Variants in UBE2O observed in about 807,000 individuals in gnomAD.
The protein encoded by UBE2O is (E3-independent) E2 ubiquitin-conjugating enzyme.
A neutral mutation model predicts 125.8 loss-of-function variants in UBE2O; 15 were observed. The observed-to-expected ratio is 0.12, with a 90% CI of 0.08 to 0.18. The LOEUF is 0.18. Ranked by LOEUF, UBE2O falls within the 10% of genes least tolerant of loss-of-function variation. The pLI, the probability that UBE2O is intolerant of heterozygous loss-of-function variation, is 1.00. For missense variants in UBE2O, 1,280 were observed against 1,723.6 expected, an observed-to-expected ratio of 0.74 and a Z score of 4.56; for synonymous variants, 708 against 703.2, an observed-to-expected ratio of 1.01 and a Z score of -0.11.
intron 1 of UBE2O, among the ~76,000 whole-genome samples, chr17:76,415,258 G>C (rs2072582137): frequency 6.6e-6 from 1 of 152,144 alleles, no homozygotes; most frequent in African/African-American, 2.4e-5. Flanking sequence ...GATCCTGACG[G>C]AGCCTGCCAG....
At chr17:76,451,779 G>T (rs9913840) in intron 1 of UBE2O, among the ~76,000 whole-genome samples, 84,307 of 137,188 alleles carry the variant, frequency 0.61, 25,079 homozygotes, top group Non-Finnish European at 0.7. Context: ...GATACAGGGG[G>T]GTGTGTGTGT....
intron 1 of UBE2O, among the ~76,000 whole-genome samples, chr17:76,406,920 G>T (rs146323950): frequency 3.4e-4 from 52 of 152,058 alleles, no homozygotes; most frequent in African/African-American, 1.2e-3. Flanking sequence ...GGCTGGTCTC[G>T]AACTCCTGAC....
Position 76,402,207 on chromosome 17 carries a change from C to T in UBE2O, c.687-80G>A, listed in dbSNP as rs148266660. 386 of 1,268,382 alleles carry T rather than the reference C, an allele frequency of 3.0e-4. No individual in the cohort carries two copies. The highest frequency in any genetic ancestry group is 2.1e-3 in the Middle Eastern group (11 of 5,348). The allele number at this position is 1,268,382 out of a possible 1,614,324, so 78.6% of individuals were successfully genotyped here. On this transcript the variant is annotated intron_variant, in intron 4 of 17. Coordinates refer to ENST00000319380, the MANE Select transcript of UBE2O (RefSeq NM_022066.4). This position sits in a 1 kb window ranked among gnomAD's most constrained non-coding sequence, Gnocchi z 5.4. Reference sequence around the variant, plus strand: ...AAGTTGCGATTCTGAGATGCCAATGCGCCCACATGCCCTAAATAGCACAAT... The same window carrying T: ...AAGTTGCGATTCTGAGATGCCAATGTGCCCACATGCCCTAAATAGCACAAT...
intron 1 of UBE2O, among the ~76,000 whole-genome samples, chr17:76,436,172 G>A (rs1347532798): frequency 2.0e-5 from 3 of 152,024 alleles, no homozygotes; most frequent in South Asian, 4.1e-4. Context: ...GCTTGAACCC[G>A]GGAGGCGGAG....
In UBE2O at chr17:76,402,732, C is replaced by T. The variant is rs371894501; in HGVS notation, c.589-33G>A. ...CCAAGGAGGCAGGGGCAGTGAGACA[C>T]AGCAGACAACGTTCATGTCCAGGGC... On this transcript the variant is annotated intron_variant, in intron 3 of 17. Transcript: ENST00000319380. This position sits in a 1 kb window ranked among gnomAD's most constrained non-coding sequence, Gnocchi z 5.4. 20 of 1,555,040 alleles carry T rather than the reference C, an allele frequency of 1.3e-5. No individual in the cohort carries two copies. Among genetic ancestry groups the T allele is most frequent in the Non-Finnish European group, 1.8e-5 (20 of 1,126,288 alleles).
rs1162196735 is a variant in UBE2O, at chr17:76,405,155, G to A, written c.588+51C>T. 5.6e-6 allele frequency: 8 copies of A among 1,417,778 alleles called. No homozygotes were observed. The highest frequency in any genetic ancestry group is 1.8e-4 in the Middle Eastern group (1 of 5,506). 87.8% of individuals were successfully genotyped at this position (1,417,778 alleles called of 1,614,324 possible). On this transcript the variant is annotated intron_variant, in intron 3 of 17. Coordinates refer to ENST00000319380, the MANE Select transcript of UBE2O (RefSeq NM_022066.4). The surrounding 1 kb of genome is among the most constrained non-coding windows in gnomAD (Gnocchi z 6.1). ...GCTGTAGCCCAGAGGTCGTGCCGCCGAGAGAACCAGAGGGCCCAGAAAGGA... is the reference window on the plus strand; with the variant it reads ...GCTGTAGCCCAGAGGTCGTGCCGCCAAGAGAACCAGAGGGCCCAGAAAGGA...
chr17:76,415,207 A>G (rs1223131020), intron 1 of UBE2O, among the ~76,000 whole-genome samples: 1 of 152,190 alleles, frequency 6.6e-6, no homozygotes, highest in Non-Finnish European at 1.5e-5. Context: ...ATGCCATGTT[A>G]GTTCACGGAA....
rs180710439 is a variant in UBE2O at position 76,394,906 on chromosome 17, C to T, written c.2946+819G>A. 3.8e-3 allele frequency among the ~76,000 whole-genome samples: 575 copies of T among 150,582 alleles called. 3 individuals carry two copies. The highest frequency in any genetic ancestry group is 0.013 in the African/African-American group (516 of 40,734). ...TTTTTTTTTTTTTGAGATGAAGTCT[C>T]GCTCTGTTGCCCAGGCTGGAGTGCA... On this transcript the variant is annotated intron_variant, in intron 15 of 17. Transcript: ENST00000319380.
chr17:76,418,978 T>C (rs1386585498), intron 1 of UBE2O, among the ~76,000 whole-genome samples: 1 of 152,144 alleles, frequency 6.6e-6, no homozygotes, highest in Non-Finnish European at 1.5e-5. Context: ...TAGGTGAATC[T>C]GATAGTTAAA....
chr17:76,436,555 C>T (rs1417109521), intron 1 of UBE2O, among the ~76,000 whole-genome samples: 5 of 152,116 alleles, frequency 3.3e-5, no homozygotes. Context: ...CCCTGAATCC[C>T]CGAGAGCCTA....
intron 1 of UBE2O, among the ~76,000 whole-genome samples, chr17:76,445,183 G>A (rs1274801866): frequency 6.6e-6 from 1 of 152,054 alleles, no homozygotes; most frequent in Non-Finnish European, 1.5e-5. Context: ...GTGCTAGCTG[G>A]GAATATTCAT....
rs761706546 is a variant in UBE2O at position 76,402,102 on chromosome 17, C to T, written c.712G>A (p.Ala238Thr). The T allele has an allele frequency of 3.2e-5, 52 of 1,613,498 alleles. No homozygotes were observed. Among genetic ancestry groups the T allele is most frequent in the Non-Finnish European group, 3.8e-5 (45 of 1,179,976 alleles). Residue 238 changes from alanine to threonine, a missense_variant, in exon 5 of 18, where the codon GCC becomes ACC. Transcript: ENST00000319380. The surrounding 1 kb of genome is among the most constrained non-coding windows in gnomAD (Gnocchi z 5.4). ...ARCSMNTEDGAKLYDVCPHVS... is the reference protein window; with the variant it reads ...ARCSMNTEDGTKLYDVCPHVS... ...TGCGGGCAGACGTCGTAGAGCTTGG[C>T]GCCATCTTCCGTGTTCATGGAGCAC...
At chr17:76,434,175 C>T (rs144076918) in intron 1 of UBE2O, among the ~76,000 whole-genome samples, 271 of 152,234 alleles carry the variant, frequency 1.8e-3, no homozygotes, top group African/African-American at 6.1e-3. Context: ...GGGGCTCCAG[C>T]GAAATGACCC....
chr17:76,425,225 CAAAAAAAAAAAAA>C (rs58377572), intron 1 of UBE2O, among the ~76,000 whole-genome samples: 9,029 of 95,342 alleles, frequency 0.095, 445 homozygotes, highest in South Asian at 0.19. Context: ...GTCCTTTCGA[CAAAAAAAAAAAAA>C]AAAAAAAAAA....
Position 76,400,401 on chromosome 17 carries a change from A to G in UBE2O, c.1004+40T>C, listed in dbSNP as rs375434012. 8.1e-6 allele frequency: 13 copies of G among 1,597,700 alleles called. No homozygotes were observed. The highest frequency in any genetic ancestry group is 1.1e-5 in the Non-Finnish European group (13 of 1,169,698). On this transcript the variant is annotated intron_variant, in intron 7 of 17. Coordinates refer to ENST00000319380, the MANE Select transcript of UBE2O (RefSeq NM_022066.4). This position sits in a 1 kb window ranked among gnomAD's most constrained non-coding sequence, Gnocchi z 4.3. ...TGACCAGGGCCCAGAGCCCTGTCCCACGCGTGCCCCTGGGTTGCTGGCAGT... is the reference window on the plus strand; with the variant it reads ...TGACCAGGGCCCAGAGCCCTGTCCCGCGCGTGCCCCTGGGTTGCTGGCAGT...
At chr17:76,403,803 T>G (rs66597649) in intron 3 of UBE2O, among the ~76,000 whole-genome samples, 1 of 151,772 alleles carries the variant, frequency 6.6e-6, no homozygotes, top group African/African-American at 2.4e-5. Flanking sequence ...AAGTACAAGA[T>G]GAGCCTGGCA....
intron 1 of UBE2O, among the ~76,000 whole-genome samples, chr17:76,450,929 G>A (rs1007671614): frequency 1.3e-5 from 2 of 152,110 alleles, no homozygotes; most frequent in South Asian, 2.1e-4. Flanking sequence ...CGTTGTTTTC[G>A]ATTTAACTCC....
At chr17:76,419,579 C>T (rs1017509545) in intron 1 of UBE2O, among the ~76,000 whole-genome samples, 6 of 152,174 alleles carry the variant, frequency 3.9e-5, no homozygotes, top group African/African-American at 1.4e-4. Flanking sequence ...GCACCAGGTC[C>T]TCAAACTGAT....
At chr17:76,429,498 C>T (rs1032799726) in intron 1 of UBE2O, among the ~76,000 whole-genome samples, 2 of 131,810 alleles carry the variant, frequency 1.5e-5, no homozygotes, top group African/African-American at 5.7e-5. Context: ...GCCAAGATTA[C>T]ACCACTGTAC....
Sources: allele counts gnomAD v4.1 joint callset (sites outside exome capture counted in the v4.1 genomes callset), GRCh38; gene constraint gnomAD v4.1.1; non-coding constraint Gnocchi (gnomAD v3.1); transcripts MANE v1.5; gene names NCBI Gene and HGNC (gene_info 2026-07-23, HGNC 2026-07-21).